Variants in DHX57 observed in about 807,000 individuals in gnomAD.
The protein encoded by DHX57 is DExH-box helicase 57.
In DHX57, 105 loss-of-function variants were observed where a neutral mutation model predicts 156.2. The observed-to-expected ratio is 0.67, with a 90% CI of 0.57 to 0.79. The LOEUF is 0.79. Ranked by LOEUF, DHX57 falls within the 30% of genes least tolerant of loss-of-function variation. DHX57 has a pLI of 0.00. For synonymous variants in DHX57, 704 were observed against 595.6 expected, an observed-to-expected ratio of 1.18 and a Z score of -2.65; for missense variants, 1,847 against 1,661.9, an observed-to-expected ratio of 1.11 and a Z score of -1.94.
At chr2:38,801,276 T>C (rs1019392048) in intron 23 of DHX57, among the ~76,000 whole-genome samples, 1 of 152,206 alleles carries the variant, frequency 6.6e-6, no homozygotes, top group Non-Finnish European at 1.5e-5. Context: ...AGTCTCACTC[T>C]GTCACCCAGG....
chr2:38,862,015 G>A, intron 4 of DHX57, 130 bp downstream of exon 4: 1 of 1,245,854 alleles, frequency 8.0e-7, no homozygotes, highest in Admixed American at 2.8e-5. Flanking sequence ...TGATAAGATA[G>A]AATATTAGGC....
intron 10 of DHX57, among the ~76,000 whole-genome samples, chr2:38,847,462 G>A (rs1416209610): frequency 1.3e-5 from 2 of 152,104 alleles, no homozygotes; most frequent in Admixed American, 1.3e-4. Flanking sequence ...AAAACAAACT[G>A]CACTATTTTT....
At chr2:38,842,953 A>G in intron 12 of DHX57, 52 bp downstream of exon 12, 1 of 1,569,408 alleles carries the variant, frequency 6.4e-7, no homozygotes, top group Non-Finnish European at 8.7e-7. Flanking sequence ...GGTAAGAAAG[A>G]ATACTAGAAA....
Position 38,862,536 on chromosome 2 carries a change from C to T in DHX57, c.384-203G>A, listed in dbSNP as rs552584590. The T allele has an allele frequency of 3.5e-5, 15 of 425,080 alleles. 1 individual carries two copies. In the East Asian group the frequency reaches 5.7e-4, roughly 16 times the overall value. The allele number at this position is 425,080 out of a possible 1,614,324, so 26.3% of individuals were successfully genotyped here. On this transcript the variant is annotated intron_variant, in intron 3 of 23. Coordinates refer to ENST00000457308, the MANE Select transcript of DHX57 (RefSeq NM_198963.3). The stretch of plus-strand genomic sequence containing the variant: ...TAAATACCAGTTACTGTGTTAAGTG[C>T]TTTATATGAACTAACTCCTTTAATC...
intron 21 of DHX57, chr2:38,811,681 C>G (rs1670257035): frequency 9.7e-7 from 1 of 1,031,848 alleles, no homozygotes; most frequent in African/African-American, 1.6e-5. Context: ...GGTGCAATTC[C>G]TGGTGCCTGG....
chr2:38,832,016 T>TCA (rs979046263), intron 13 of DHX57, among the ~76,000 whole-genome samples: 7 of 151,932 alleles, frequency 4.6e-5, no homozygotes, highest in African/African-American at 1.7e-4. Flanking sequence ...AGCAAGACTG[T>TCA]CACACACACA....
chr2:38,798,443 C>T lies in DHX57; in HGVS notation c.4018-1G>A. 1 of 1,608,196 alleles carries T rather than the reference C, an allele frequency of 6.2e-7. No individual in the cohort carries two copies. Among genetic ancestry groups the T allele is most frequent in the East Asian group, 2.2e-5 (1 of 44,852 alleles). On this transcript the variant is annotated splice_acceptor_variant, in intron 23 of 23. Transcript: ENST00000457308. LOFTEE classifies it high-confidence loss of function. Reference sequence around the variant, plus strand: ...GAAGCTCCTTTACCAGTTCAGCCACCTAAAATGAAAGCTACAATATAAGCA... The same window carrying T: ...GAAGCTCCTTTACCAGTTCAGCCACTTAAAATGAAAGCTACAATATAAGCA...
intron 21 of DHX57, chr2:38,811,526 G>C: frequency 9.7e-7 from 1 of 1,028,306 alleles, no homozygotes; most frequent in Non-Finnish European, 1.5e-6. Context: ...CTTCCTTGAA[G>C]TCTTCCTTCT....
chr2:38,809,714 C>T (rs924451162), intron 21 of DHX57, among the ~76,000 whole-genome samples: 43 of 152,178 alleles, frequency 2.8e-4, no homozygotes, highest in African/African-American at 9.9e-4. Flanking sequence ...CCACCCTCCT[C>T]GGCCTCCCAA....
At chr2:38,813,986 A>T in intron 20 of DHX57, 91 bp from the exon 21 acceptor site, 1 of 1,422,384 alleles carries the variant, frequency 7.0e-7, no homozygotes, top group Non-Finnish European at 9.7e-7. Context: ...CACCCAGGCA[A>T]GTGTGCAGTG....
intron 12 of DHX57, among the ~76,000 whole-genome samples, chr2:38,839,876 A>G (rs1671890589): frequency 6.6e-6 from 1 of 152,190 alleles, no homozygotes; most frequent in Admixed American, 6.5e-5. Context: ...CAAGATTCCA[A>G]AAAGCCAGAC....
At chr2:38,860,887 C>A in intron 5 of DHX57, 112 bp downstream of exon 5, 1 of 886,646 alleles carries the variant, frequency 1.1e-6, no homozygotes, top group Non-Finnish European at 1.7e-6. Context: ...GACTTAATGG[C>A]TTGTTCAGCT....
chr2:38,798,714 G>A (rs1669515148), intron 23 of DHX57, among the ~76,000 whole-genome samples: 1 of 152,156 alleles, frequency 6.6e-6, no homozygotes, highest in Non-Finnish European at 1.5e-5. Flanking sequence ...GGGAGGCCAA[G>A]GCGGGCGGAT....
At chr2:38,819,256 C>G (rs1025647373) in intron 17 of DHX57, 112 bp from the exon 18 acceptor site, 2 of 906,780 alleles carry the variant, frequency 2.2e-6, no homozygotes, top group African/African-American at 3.4e-5. Flanking sequence ...CCCACTGCAA[C>G]CTTTATCTCC....
At chr2:38,857,780 T>TA in intron 6 of DHX57, among the ~76,000 whole-genome samples, 1 of 152,380 alleles carries the variant, frequency 6.6e-6, no homozygotes, top group South Asian at 2.1e-4. Context: ...CAGAATTGGC[T>TA]AAACCACTTA....
intron 14 of DHX57, among the ~76,000 whole-genome samples, chr2:38,827,504 AAATATATAT>A (rs1470294967): frequency 1.3e-4 from 2 of 14,906 alleles, no homozygotes; most frequent in African/African-American, 1.7e-4. Context: ...AAAAAAAAAA[AAATATATAT>A]ATATATATAT....
intron 23 of DHX57, among the ~76,000 whole-genome samples, chr2:38,800,292 T>G (rs1381714355): frequency 6.6e-6 from 1 of 151,582 alleles, no homozygotes; most frequent in East Asian, 1.9e-4. Context: ...AGGCGGAGGT[T>G]GCAGTGAACC....
chr2:38,852,795 T>A (rs1040925466), intron 9 of DHX57, among the ~76,000 whole-genome samples: 2 of 151,998 alleles, frequency 1.3e-5, no homozygotes, highest in South Asian at 4.1e-4. Context: ...TTTTATTTTA[T>A]GCCTCACCCT....
intron 21 of DHX57, among the ~76,000 whole-genome samples, chr2:38,812,117 C>T (rs1052763777): frequency 5.9e-5 from 9 of 152,082 alleles, no homozygotes; most frequent in African/African-American, 1.7e-4. Flanking sequence ...TCACAGGAAG[C>T]GGCAAAATAG....
Sources: gnomAD v4.1 joint callset for allele counts (sites outside exome capture counted in the v4.1 genomes callset) on GRCh38, gnomAD v4.1.1 for gene constraint, MANE v1.5 for transcripts, NCBI Gene and HGNC (gene_info 2026-07-23, HGNC 2026-07-21) for gene names.